ISOC1: variants seen among roughly 807,000 people sequenced by gnomAD.
The protein encoded by ISOC1 is isochorismatase domain containing 1.
In ISOC1, 33 loss-of-function variants were observed where a neutral mutation model predicts 30.0. The ratio of observed to expected loss-of-function variants is 1.10; its 90% CI spans 0.83 to 1.47. ISOC1 has a LOEUF of 1.47. Ranked by LOEUF, ISOC1 falls within the 40% of genes most tolerant of loss-of-function variation. The pLI is 0.00. For synonymous variants in ISOC1, 178 were observed against 159.8 expected (o/e 1.11, Z -0.86); for missense variants, 372 against 388.0 (o/e 0.96, Z 0.35).
At chr5:129,103,047 G>A (rs1254736294) in intron 1 of ISOC1, among the ~76,000 whole-genome samples, 3 of 152,204 alleles carry the variant, frequency 2.0e-5, no homozygotes, top group South Asian at 2.1e-4. Flanking sequence ...GTTGTGAAAC[G>A]GTGAGACTGG....
rs529417088 is a variant in ISOC1 at position 129,110,556 on chromosome 5, G to A, written c.751-2299G>A. Among the ~76,000 whole-genome samples the A allele has an allele frequency of 2.0e-5, 3 of 152,230 alleles. No individual in the cohort carries two copies. The East Asian group carries it at 5.8e-4, about 29-fold the overall frequency. ...TGATTTTAAAACCCAGTCAGTGTTG[G>A]CCACATTTCAATCTTGAAGCAAAGT... On this transcript the variant is annotated intron_variant, in intron 4 of 4. Coordinates refer to ENST00000173527, the MANE Select transcript of ISOC1 (RefSeq NM_016048.2).
At chr5:129,098,662 A>G (rs985141454) in intron 1 of ISOC1, among the ~76,000 whole-genome samples, 14 of 152,232 alleles carry the variant, frequency 9.2e-5, no homozygotes, top group African/African-American at 3.4e-4. Context: ...CAGTGAGGGG[A>G]TTTTACTTCT....
Position 129,105,245 on chromosome 5 carries a change from C to T in ISOC1, c.490C>T (p.Leu164Phe), listed in dbSNP as rs1192080957. 1 of 1,613,606 alleles carries T rather than the reference C, an allele frequency of 6.2e-7. No homozygotes were observed. Among genetic ancestry groups the T allele is most frequent in the East Asian group, 2.2e-5 (1 of 44,836 alleles). Residue 164 changes from leucine (L) to phenylalanine (F), a missense_variant, in exon 3 of 5, where the codon CTT (leucine) becomes TTT (phenylalanine). Physicochemically the swap from Leu to Phe is conservative, Grantham distance 22. Transcript: ENST00000173527. ...TGTAACAGAACAATACCCTAAAGGT[C>T]TTGGGAGCACGGTTCAAGAAATTGA... ...VIVTEQYPKG[L>F]GSTVQEIDLT...
chr5:129,107,441 C>T (rs1406581398), intron 4 of ISOC1, among the ~76,000 whole-genome samples: 1 of 152,128 alleles, frequency 6.6e-6, no homozygotes, highest in African/African-American at 2.4e-5. Flanking sequence ...TAGAGCAGAG[C>T]AGGCCTAACC....
chr5:129,105,215 G>T lies in ISOC1; in HGVS notation c.460G>T (p.Val154Phe). Residue 154 changes from valine (V) to phenylalanine (F), a missense_variant, in exon 3 of 5, where the codon GTT becomes TTT. Val to Phe is a conservative substitution (Grantham distance 50). Coordinates refer to ENST00000173527, the MANE Select transcript of ISOC1 (RefSeq NM_016048.2). Reference sequence around the variant, plus strand: ...AGGGGCCCGGATTTTAGGAATTCCTGTTATTGTAACAGAACAATACCCTAA... The same window carrying T: ...AGGGGCCCGGATTTTAGGAATTCCTTTTATTGTAACAGAACAATACCCTAA... ...LQGARILGIPVIVTEQYPKGL... is the reference protein window; with the variant it reads ...LQGARILGIPFIVTEQYPKGL... The T allele has an allele frequency of 6.2e-7, 1 of 1,613,566 alleles. No individual in the cohort carries two copies. The highest frequency in any genetic ancestry group is 1.1e-5 in the South Asian group (1 of 91,032).
chr5:129,109,273 T>C (rs1362503496), intron 4 of ISOC1, among the ~76,000 whole-genome samples: 1 of 152,242 alleles, frequency 6.6e-6, no homozygotes, highest in East Asian at 1.9e-4. Context: ...TTTGTGACTT[T>C]GAGCAAGTTG....
At chr5:129,101,966 G>T (rs186558065) in intron 1 of ISOC1, among the ~76,000 whole-genome samples, 1 of 152,146 alleles carries the variant, frequency 6.6e-6, no homozygotes, top group South Asian at 2.1e-4. Context: ...GAAATTTCAA[G>T]AGGAAGGTCA....
Position 129,104,973 on chromosome 5 carries a change from T to A in ISOC1, c.327T>A (p.Asn109Lys). 4.3e-6 allele frequency: 7 copies of A among 1,613,576 alleles called. No homozygotes were observed. Among genetic ancestry groups the A allele is most frequent in the Non-Finnish European group, 4.2e-6 (5 of 1,179,756 alleles). Residue 109 changes from asparagine to lysine, a missense_variant, in exon 2 of 5, where the codon AAT becomes AAA. By Grantham distance (94) the Asn-to-Lys change is moderately conservative (BLOSUM62 0). Coordinates refer to ENST00000173527, the MANE Select transcript of ISOC1 (RefSeq NM_016048.2). ...PLQIQLTTLGNLTPSSTVFFC... is the reference protein window; with the variant it reads ...PLQIQLTTLGKLTPSSTVFFC... ...TTCCTCAGCTCACTACCCTGGGAAA[T>A]CTTACACCTTCAAGCACTGTGTTTT... is the stretch of plus-strand genomic sequence containing the variant.
chr5:129,096,563 G>A (rs1409039979), intron 1 of ISOC1, among the ~76,000 whole-genome samples: 1 of 152,208 alleles, frequency 6.6e-6, no homozygotes, highest in African/African-American at 2.4e-5. Flanking sequence ...TGCTCAGATA[G>A]GGAATTGCAG....
In ISOC1 at chr5:129,105,092, A is replaced by G; in HGVS notation, c.429+17A>G. ...CAGAGATTGGTATGCTTGTTTACTT[A>G]TTTGGTCATATTTGCTGAATCATCA... On this transcript the variant is annotated intron_variant, in intron 2 of 4. Coordinates refer to ENST00000173527, the MANE Select transcript of ISOC1 (RefSeq NM_016048.2). The G allele has an allele frequency of 1.9e-6, 3 of 1,613,676 alleles. No homozygotes were observed. The highest frequency in any genetic ancestry group is 2.5e-6 in the Non-Finnish European group (3 of 1,179,706).
At chr5:129,100,742 A>G (rs1561421610) in intron 1 of ISOC1, among the ~76,000 whole-genome samples, 1 of 152,236 alleles carries the variant, frequency 6.6e-6, no homozygotes, top group African/African-American at 2.4e-5. Flanking sequence ...AGAGAGTTGT[A>G]TGATTTTAAC....
In ISOC1 at chr5:129,105,192, G is replaced by C; in HGVS notation, c.437G>C (p.Gly146Ala). 6.2e-7 allele frequency: 1 copy of C among 1,613,292 alleles called. No homozygotes were observed. Among genetic ancestry groups the C allele is most frequent in the Non-Finnish European group, 8.5e-7 (1 of 1,179,728 alleles). The change falls in exon 3 of 5, where the codon GGG becomes GCG. Residue 146 changes from glycine to alanine, a missense_variant. Physicochemically the swap from Gly to Ala is moderately conservative, Grantham distance 60 (BLOSUM62 0). Transcript: ENST00000173527. ...TTGGTTATTTTTTTTCAGTTGCAAG[G>C]GGCCCGGATTTTAGGAATTCCTGTT... ...IISVGQRLLQ[G>A]ARILGIPVIV...
Position 129,113,138 on chromosome 5 carries a change from T to A in ISOC1, c.*137T>A. ...ACGGCTCCTTTTTTGCGCCTCCTAG[T>A]GAAACTTAACCAGCTAGACCATTTG... is the stretch of plus-strand genomic sequence containing the variant. On this transcript the variant is annotated 3_prime_UTR_variant, in exon 5 of 5. Transcript: ENST00000173527. The A allele has an allele frequency of 1.4e-6, 1 of 714,630 alleles. No homozygotes were observed. Among genetic ancestry groups the A allele is most frequent in the East Asian group, 2.8e-5 (1 of 35,278 alleles). The allele number at this position is 714,630 out of a possible 1,614,324, so 44.3% of individuals were successfully genotyped here.
chr5:129,098,942 T>C (rs1753539765), intron 1 of ISOC1, among the ~76,000 whole-genome samples: 1 of 152,088 alleles, frequency 6.6e-6, no homozygotes, highest in Admixed American at 6.5e-5. Flanking sequence ...AGTTTGAAGG[T>C]AGTGGTTTTT....
At chr5:129,100,004 T>G (rs1403632291) in intron 1 of ISOC1, among the ~76,000 whole-genome samples, 2 of 152,148 alleles carry the variant, frequency 1.3e-5, no homozygotes, top group African/African-American at 4.8e-5. Context: ...CTTTGTAACC[T>G]GGGGGAGTCA....
Position 129,113,012 on chromosome 5 carries a change from G to T in ISOC1, c.*11G>T. The T allele has an allele frequency of 6.2e-7, 1 of 1,607,512 alleles. No individual in the cohort carries two copies. The highest frequency in any genetic ancestry group is 2.2e-5 in the East Asian group (1 of 44,818). On this transcript the variant is annotated 3_prime_UTR_variant, in exon 5 of 5. Coordinates refer to ENST00000173527, the MANE Select transcript of ISOC1 (RefSeq NM_016048.2). ...CTTTCCAAAGTATAGGACATTTGAAGAACTGGTATGCTACTCACTGGTGAA... is the reference window on the plus strand; with the variant it reads ...CTTTCCAAAGTATAGGACATTTGAATAACTGGTATGCTACTCACTGGTGAA...
intron 1 of ISOC1, among the ~76,000 whole-genome samples, chr5:129,101,220 G>T (rs1402470833): frequency 7.3e-6 from 1 of 137,238 alleles, no homozygotes; most frequent in African/African-American, 2.9e-5. Context: ...GTTGGGTTGG[G>T]TGTAGTGGTT....
intron 1 of ISOC1, among the ~76,000 whole-genome samples, chr5:129,100,417 A>G (rs1753555943): frequency 6.6e-6 from 1 of 152,128 alleles, no homozygotes; most frequent in African/African-American, 2.4e-5. Context: ...ATTTAAATAT[A>G]TATATATTTG....
At chr5:129,106,257 G>A (rs1050107126) in intron 3 of ISOC1, among the ~76,000 whole-genome samples, 1 of 152,028 alleles carries the variant, frequency 6.6e-6, no homozygotes, top group African/African-American at 2.4e-5. Flanking sequence ...TCTCCAAAAC[G>A]CTCTTGTCAT....
Sources: gnomAD v4.1 joint callset for allele counts (sites outside exome capture counted in the v4.1 genomes callset) on GRCh38, gnomAD v4.1.1 for gene constraint, MANE v1.5 for transcripts, NCBI Gene and HGNC (gene_info 2026-07-23, HGNC 2026-07-21) for gene names.